DNAJC1: variants seen among roughly 807,000 people sequenced by gnomAD.
DNAJC1 encodes the protein dnaJ homolog subfamily C member 1.
DNAJC1 carries 58 observed loss-of-function variants against 76.6 expected under a neutral mutation model. That is an observed-to-expected ratio of 0.76 (90% CI 0.61 to 0.94). The LOEUF (loss-of-function observed/expected upper bound fraction) is 0.94, where lower values mean the gene tolerates loss of function less well. Among genes scored for constraint, DNAJC1 ranks in the 40% least tolerant of loss-of-function variants. The pLI is 0.00. For synonymous variants in DNAJC1, 258 were observed against 267.9 expected (o/e 0.96, Z 0.36); for missense variants, 689 against 677.3 (o/e 1.02, Z -0.19).
intron 9 of DNAJC1, among the ~76,000 whole-genome samples, chr10:21,801,864 C>A (rs1389556393): frequency 6.6e-6 from 1 of 152,090 alleles, no homozygotes; most frequent in East Asian, 1.9e-4. Flanking sequence ...GGAGAGGGTA[C>A]TATCCTTAGC....
At chr10:21,883,716 A>G (rs1836321422) in intron 7 of DNAJC1, among the ~76,000 whole-genome samples, 1 of 152,214 alleles carries the variant, frequency 6.6e-6, no homozygotes, top group Non-Finnish European at 1.5e-5. Context: ...CCTCATGATC[A>G]TATGGCTAAG....
At chr10:21,926,037 C>T (rs1016579446) in intron 3 of DNAJC1, among the ~76,000 whole-genome samples, 2 of 152,204 alleles carry the variant, frequency 1.3e-5, no homozygotes, top group Admixed American at 6.5e-5. Context: ...GCGCAACTTC[C>T]GCCTCCGGGG....
chr10:21,899,003 C>T (rs1042071268), intron 7 of DNAJC1, among the ~76,000 whole-genome samples: 11 of 152,062 alleles, frequency 7.2e-5, no homozygotes, highest in Admixed American at 3.9e-4. Flanking sequence ...TGAAGAAAAG[C>T]GGGGTGGGGT....
intron 8 of DNAJC1, among the ~76,000 whole-genome samples, chr10:21,848,305 T>C (rs902559876): frequency 3.9e-5 from 6 of 152,196 alleles, no homozygotes; most frequent in Non-Finnish European, 5.9e-5. Context: ...TAAAATCAGA[T>C]TATTTGCTAT....
intron 8 of DNAJC1, among the ~76,000 whole-genome samples, chr10:21,873,520 A>G (rs1836138344): frequency 6.6e-6 from 1 of 152,234 alleles, no homozygotes; most frequent in Admixed American, 6.5e-5. Context: ...GGAAAAAACT[A>G]TCCTTCAAAA....
At chr10:21,937,213 G>T (rs892055232) in intron 1 of DNAJC1, among the ~76,000 whole-genome samples, 1 of 151,958 alleles carries the variant, frequency 6.6e-6, no homozygotes, top group African/African-American at 2.4e-5. Flanking sequence ...TACTGTACAT[G>T]GTGTCTATAA....
intron 9 of DNAJC1, among the ~76,000 whole-genome samples, chr10:21,779,224 G>C (rs1360200271): frequency 6.6e-6 from 1 of 152,202 alleles, no homozygotes; most frequent in Non-Finnish European, 1.5e-5. Context: ...AAATGTCCCT[G>C]TGTGACAGCT....
intron 6 of DNAJC1, 38 bp from the exon 7 acceptor site, chr10:21,904,650 T>A (rs777549432): frequency 1.8e-4 from 228 of 1,246,142 alleles, no homozygotes; most frequent in Admixed American, 3.1e-4. Flanking sequence ...AACATAAAAA[T>A]CAGTGTGCTT....
chr10:21,805,874 G>A (rs1229008263), intron 9 of DNAJC1, 106 bp downstream of exon 9: 1 of 1,455,252 alleles, frequency 6.9e-7, no homozygotes, highest in Non-Finnish European at 9.5e-7. Flanking sequence ...AAGGATTGTT[G>A]TATCCCCTCC....
intron 6 of DNAJC1, among the ~76,000 whole-genome samples, chr10:21,908,270 T>TA (rs1564824032): frequency 4.5e-5 from 5 of 111,624 alleles, no homozygotes; most frequent in East Asian, 2.5e-4. Context: ...TATATATATT[T>TA]TATATATATA....
At chr10:21,759,643 G>A in intron 10 of DNAJC1, 25 bp from the exon 11 acceptor site, 1 of 1,600,966 alleles carries the variant, frequency 6.2e-7, no homozygotes, top group Non-Finnish European at 8.5e-7. Context: ...GTGCCACACA[G>A]AGGTGAAGGG....
intron 9 of DNAJC1, among the ~76,000 whole-genome samples, chr10:21,774,369 C>T (rs929449021): frequency 1.3e-5 from 2 of 152,114 alleles, no homozygotes; most frequent in Non-Finnish European, 2.9e-5. Flanking sequence ...CACAAATACA[C>T]GTGACCTCAG....
rs373850125 is a variant in DNAJC1, at chr10:21,818,049, G to C, written c.979-11950C>G. ...GAACAGGATAACAGCAATGTTCAGG[G>C]AACAAGAGAGATAACCTTAAACTCT... On this transcript the variant is annotated intron_variant, in intron 8 of 11. Transcript: ENST00000376980. Among the ~76,000 whole-genome samples, 7 of 152,312 alleles carry C rather than the reference G, an allele frequency of 4.6e-5. No individual in the cohort carries two copies. In the South Asian group the frequency reaches 1.2e-3, roughly 27 times the overall value.
At chr10:21,825,204 C>G (rs1835228192) in intron 8 of DNAJC1, among the ~76,000 whole-genome samples, 1 of 152,206 alleles carries the variant, frequency 6.6e-6, no homozygotes, top group South Asian at 2.1e-4. Context: ...AAACTCTATA[C>G]TTATTAAACA....
At chr10:21,855,664 TAGA>T (rs1564808994) in intron 8 of DNAJC1, among the ~76,000 whole-genome samples, 2 of 152,276 alleles carry the variant, frequency 1.3e-5, no homozygotes, top group East Asian at 3.9e-4. Flanking sequence ...TAATTACATT[TAGA>T]AGCTTAAAAA....
chr10:21,921,967 G>C lies in DNAJC1; in HGVS notation c.372-1004C>G, dbSNP rs567977359. On this transcript the variant is annotated intron_variant, in intron 3 of 11. Coordinates refer to ENST00000376980, the MANE Select transcript of DNAJC1 (RefSeq NM_022365.4). ...AAATATTCTAATCACACTATTTCCAGAATTAAATCTTCACTGAAAGGCCTA... is the reference window on the plus strand; with the variant it reads ...AAATATTCTAATCACACTATTTCCACAATTAAATCTTCACTGAAAGGCCTA... 5.3e-5 allele frequency among the ~76,000 whole-genome samples: 8 copies of C among 152,006 alleles called. No homozygotes were observed. The South Asian group carries it at 1.7e-3, about 32-fold the overall frequency.
intron 1 of DNAJC1, among the ~76,000 whole-genome samples, chr10:22,000,670 T>C (rs1838503892): frequency 6.6e-6 from 1 of 152,224 alleles, no homozygotes; most frequent in Non-Finnish European, 1.5e-5. Flanking sequence ...ATTGTGACAG[T>C]AATACAAGGT....
chr10:21,902,570 G>C (rs1836676271), intron 7 of DNAJC1, among the ~76,000 whole-genome samples: 1 of 152,160 alleles, frequency 6.6e-6, no homozygotes, highest in African/African-American at 2.4e-5. Context: ...CTCCCAAAAT[G>C]CTGGGATTAC....
intron 8 of DNAJC1, among the ~76,000 whole-genome samples, chr10:21,818,242 C>A (rs1835105392): frequency 6.6e-6 from 1 of 152,136 alleles, no homozygotes; most frequent in African/African-American, 2.4e-5. Context: ...CTTTTATGGT[C>A]TAGCTGTAGG....
Sources: allele counts gnomAD v4.1 joint callset (sites outside exome capture counted in the v4.1 genomes callset), GRCh38; gene constraint gnomAD v4.1.1; transcripts MANE v1.5; gene names NCBI Gene and HGNC (gene_info 2026-07-23, HGNC 2026-07-21).